The following NPAS3 variants were observed in gnomAD, a reference collection of about 807,000 sequenced individuals.
NPAS3 encodes neuronal PAS domain-containing protein 3.
Under a neutral mutation model 73.1 loss-of-function variants are expected in NPAS3, and 14 were observed. The ratio of observed to expected loss-of-function variants is 0.19; its 90% confidence interval spans 0.13 to 0.30. NPAS3 has a LOEUF of 0.30. Ranked by LOEUF, NPAS3 falls within the 10% of genes least tolerant of loss-of-function variation. The probability of loss-of-function intolerance (pLI) is 1.00; values close to 1 mark genes in which losing one functional copy is unlikely to be tolerated. For missense variants in NPAS3, 1,096 were observed against 1,250.0 expected, an observed-to-expected ratio of 0.88 and a Z score of 1.86; for synonymous variants, 620 against 541.5, an observed-to-expected ratio of 1.14 and a Z score of -2.01.
At chr14:33,492,279 G>A (rs920473959) in intron 4 of NPAS3, among the ~76,000 whole-genome samples, 5 of 152,124 alleles carry the variant, frequency 3.3e-5, no homozygotes, top group African/African-American at 9.7e-5. Flanking sequence ...TCATGTTGCT[G>A]TGATAATAGG....
intron 4 of NPAS3, among the ~76,000 whole-genome samples, chr14:33,494,011 T>C (rs1044353738): frequency 2.0e-5 from 3 of 152,146 alleles, no homozygotes; most frequent in African/African-American, 7.2e-5. Flanking sequence ...GTATTACATA[T>C]TATATGAATA....
chr14:33,730,512 A>G (rs1238220578), intron 6 of NPAS3, among the ~76,000 whole-genome samples: 1 of 152,214 alleles, frequency 6.6e-6, no homozygotes, highest in Non-Finnish European at 1.5e-5. Context: ...GAAGTTGTTA[A>G]AAGTCACCAG....
At chr14:33,382,167 T>C (rs2046583464) in intron 4 of NPAS3, among the ~76,000 whole-genome samples, 2 of 152,010 alleles carry the variant, frequency 1.3e-5, no homozygotes, top group South Asian at 4.2e-4. Context: ...AAAACAGAGG[T>C]CGGGGAGGGT....
At position 33,092,415 on chromosome 14, in the gene NPAS3, T is replaced by C. The variant is rs577864577; in HGVS notation, c.140+36421T>C. Among the ~76,000 whole-genome samples the C allele has an allele frequency of 4.6e-5, 7 of 152,304 alleles. No individual in the cohort carries two copies. In the South Asian group the frequency reaches 8.3e-4, roughly 18 times the overall value. On this transcript the variant is annotated intron_variant, in intron 2 of 11. Coordinates refer to ENST00000356141, the Ensembl canonical transcript of NPAS3. ...ACCTAGGAATCCAACTTACAAGGGATGTGGAGGACCTCTTCAAGGAGAACT... is the reference window on the plus strand; with the variant it reads ...ACCTAGGAATCCAACTTACAAGGGACGTGGAGGACCTCTTCAAGGAGAACT...
chr14:33,536,749 C>A (rs188755618), intron 4 of NPAS3, among the ~76,000 whole-genome samples: 5 of 152,200 alleles, frequency 3.3e-5, no homozygotes, highest in Admixed American at 3.3e-4. Flanking sequence ...AAAAAGATAA[C>A]CTTTCATAAT....
chr14:33,031,023 C>T (rs1417172772), intron 1 of NPAS3, among the ~76,000 whole-genome samples: 2 of 152,132 alleles, frequency 1.3e-5, no homozygotes. Context: ...CCAGTTAACC[C>T]CGTTCTGAAC....
At chr14:33,079,978 C>T (rs1217710677) in intron 2 of NPAS3, among the ~76,000 whole-genome samples, 1 of 151,854 alleles carries the variant, frequency 6.6e-6, no homozygotes, top group African/African-American at 2.4e-5. Flanking sequence ...TACTGTTGGG[C>T]AATAAAGGTT....
rs569169994 is a variant in NPAS3, at chr14:33,484,721, A to C, written c.469-75400A>C. On this transcript the variant is annotated intron_variant, in intron 4 of 11. Transcript: ENST00000356141. ...AAAAGAAAGGTGCAGTGTTAGTAAA[A>C]CAGTTCAGTGTGAGGAAAAGATTCT... Among the ~76,000 whole-genome samples the C allele has an allele frequency of 2.6e-5, 4 of 152,296 alleles. No homozygotes were observed. In the South Asian group the frequency reaches 8.3e-4, roughly 32 times the overall value.
intron 4 of NPAS3, among the ~76,000 whole-genome samples, chr14:33,405,195 G>A (rs1033598832): frequency 1.3e-5 from 2 of 151,962 alleles, no homozygotes; most frequent in South Asian, 4.2e-4. Context: ...TGGATGGTCT[G>A]GACTTGTGTT....
At chr14:33,034,106 A>G (rs937382408) in intron 1 of NPAS3, among the ~76,000 whole-genome samples, 1 of 152,104 alleles carries the variant, frequency 6.6e-6, no homozygotes, top group Non-Finnish European at 1.5e-5. Context: ...TAATTTGAAT[A>G]AAGTGTTATT....
rs1436282499 is a variant in NPAS3 at position 33,163,537 on chromosome 14, T to C, written c.141-51645T>C. Among the ~76,000 whole-genome samples, 6 of 152,318 alleles carry C rather than the reference T, an allele frequency of 3.9e-5. No homozygotes were observed. In the East Asian group the frequency reaches 1.2e-3, roughly 29 times the overall value. ...TTGTTAAACGTTTTAGCTATTGATATGGGCTGGATACTGAATTTAAAAGTT... is the reference window on the plus strand; with the variant it reads ...TTGTTAAACGTTTTAGCTATTGATACGGGCTGGATACTGAATTTAAAAGTT... On this transcript the variant is annotated intron_variant, in intron 2 of 11. Transcript: ENST00000356141.
At chr14:33,166,305 A>T (rs1328580579) in intron 2 of NPAS3, among the ~76,000 whole-genome samples, 1 of 152,210 alleles carries the variant, frequency 6.6e-6, no homozygotes, top group Non-Finnish European at 1.5e-5. Context: ...TCCTGACCCC[A>T]GCAGCAGAGA....
At chr14:33,543,230 C>T (rs1418871116) in intron 4 of NPAS3, among the ~76,000 whole-genome samples, 2 of 152,166 alleles carry the variant, frequency 1.3e-5, no homozygotes, top group Non-Finnish European at 2.9e-5. Context: ...CCCCTCTAGC[C>T]CACACCCATT....
At chr14:33,671,794 G>A (rs2140317140) in intron 5 of NPAS3, among the ~76,000 whole-genome samples, 1 of 152,278 alleles carries the variant, frequency 6.6e-6, no homozygotes. Context: ...TGCTACTAGA[G>A]AAACAGTTCA....
intron 1 of NPAS3, among the ~76,000 whole-genome samples, chr14:33,016,410 GAA>G (rs1595233118): frequency 2.2e-4 from 1 of 4,570 alleles, no homozygotes; most frequent in African/African-American, 4.0e-4. Flanking sequence ...TTCATGGAAT[GAA>G]TGAATGAATG....
intron 2 of NPAS3, among the ~76,000 whole-genome samples, chr14:33,121,913 C>T (rs1428034902): frequency 6.6e-6 from 1 of 152,130 alleles, no homozygotes; most frequent in Non-Finnish European, 1.5e-5. Flanking sequence ...ATCTGATACT[C>T]AGATGACAGA....
rs796481392 is a variant in NPAS3, at chr14:32,957,261, T to C, written c.50+17895T>C. Among the ~76,000 whole-genome samples, 25 of 152,340 alleles carry C rather than the reference T, an allele frequency of 1.6e-4. No individual in the cohort carries two copies. In the South Asian group the frequency reaches 5.0e-3, roughly 30 times the overall value. Reference sequence around the variant, plus strand: ...TACTGGTTATTTCACTGTTATTATATATTAAACATAGTGATAAGCTCTTTA... The same window carrying C: ...TACTGGTTATTTCACTGTTATTATACATTAAACATAGTGATAAGCTCTTTA... On this transcript the variant is annotated intron_variant, in intron 1 of 11. Transcript: ENST00000356141.
chr14:33,095,662 AT>A (rs201234147), intron 2 of NPAS3, among the ~76,000 whole-genome samples: 1 of 74,122 alleles, frequency 1.3e-5, no homozygotes, highest in East Asian at 3.7e-4. Flanking sequence ...CTCTGCTTTT[AT>A]TTTTTTATTT....
At chr14:33,134,270 C>A (rs1035655828) in intron 2 of NPAS3, among the ~76,000 whole-genome samples, 4 of 151,500 alleles carry the variant, frequency 2.6e-5, no homozygotes, top group Non-Finnish European at 5.9e-5. Flanking sequence ...TATATCATAG[C>A]AAAGAGGTTT....
Sources: allele counts gnomAD v4.1 joint callset (sites outside exome capture counted in the v4.1 genomes callset), GRCh38; gene constraint gnomAD v4.1.1; transcripts MANE v1.5; gene names NCBI Gene and HGNC (gene_info 2026-07-23, HGNC 2026-07-21).